Variants in ORC4 observed in about 807,000 individuals in gnomAD.
The protein encoded by ORC4 is origin recognition complex, subunit 4 homolog.
In ORC4, 55 loss-of-function variants were observed where a neutral mutation model predicts 63.9. That is an observed-to-expected ratio of 0.86 (90% confidence interval 0.69 to 1.08). The LOEUF is 1.08. Among genes scored for constraint, ORC4 ranks in the 50% least tolerant of loss-of-function variants. The pLI is 0.00. For missense variants in ORC4, 511 were observed against 504.4 expected, an observed-to-expected ratio of 1.01 and a Z score of -0.13; for synonymous variants, 150 against 168.5, an observed-to-expected ratio of 0.89 and a Z score of 0.85.
intron 1 of ORC4, among the ~76,000 whole-genome samples, chr2:148,012,099 T>TA (rs1398900167): frequency 6.6e-6 from 1 of 151,874 alleles, no homozygotes; most frequent in Non-Finnish European, 1.5e-5. Context: ...AAAAAAATCC[T>TA]AAAATTGTAT....
intron 9 of ORC4, among the ~76,000 whole-genome samples, chr2:147,946,253 A>G (rs1688653234): frequency 6.6e-6 from 1 of 151,930 alleles, no homozygotes; most frequent in South Asian, 2.1e-4. Flanking sequence ...TGCAACCTAG[A>G]CCATGTAGTT....
In ORC4 at chr2:147,952,457, T is replaced by G. The variant is rs771016573; in HGVS notation, c.504A>C (p.Lys168Asn). 1.2e-6 allele frequency: 2 copies of G among 1,611,842 alleles called. No individual in the cohort carries two copies. The highest frequency in any genetic ancestry group is 1.7e-6 in the Non-Finnish European group (2 of 1,178,006). The change falls in exon 8 of 14, where the codon AAA becomes AAC. Residue 168 changes from lysine (K) to asparagine (N), a missense_variant. Lys to Asn is a moderately conservative substitution (Grantham distance 94, BLOSUM62 0). Transcript: ENST00000392857. ...AAAGATTATAGAGAAGTGTTTGGTT[T>G]TTATGATGAGCAAAAAGATCAAATT... ...LDEFDLFAHHKNQTLLYNLFD... is the reference protein window; with the variant it reads ...LDEFDLFAHHNNQTLLYNLFD...
chr2:147,939,093 TCAAA>T (rs1688220842), intron 11 of ORC4, 43 bp downstream of exon 11: 1 of 1,103,704 alleles, frequency 9.1e-7, no homozygotes, highest in Non-Finnish European at 1.4e-6. Context: ...TTATCTAAAT[TCAAA>T]GTTTTAAAAA....
chr2:147,998,105 T>C (rs896415434), intron 1 of ORC4, among the ~76,000 whole-genome samples: 1 of 152,174 alleles, frequency 6.6e-6, no homozygotes, highest in Non-Finnish European at 1.5e-5. Context: ...ACCATACAAG[T>C]GGTCATATTA....
rs1161190181 is a variant in ORC4 at position 147,973,499 on chromosome 2, A to C, written c.83T>G (p.Phe28Cys). ...GTTACTATGTGGACTCTGACGACAA[A>C]ATCTTTCACGTAAAATTCTTTGTAC... is the stretch of plus-strand genomic sequence containing the variant. ...SQVQRILRERFCRQSPHSNLF... is the reference protein window; with the variant it reads ...SQVQRILRERCCRQSPHSNLF... The change falls in exon 3 of 14, where the codon TTT becomes TGT. Residue 28 changes from phenylalanine (F) to cysteine (C), a missense_variant. By Grantham distance (205) the Phe-to-Cys change is radical. Coordinates refer to ENST00000392857, the MANE Select transcript of ORC4 (RefSeq NM_181741.4). The C allele has an allele frequency of 1.2e-6, 2 of 1,602,208 alleles. No individual in the cohort carries two copies. The highest frequency in any genetic ancestry group is 1.7e-5 in the Admixed American group (1 of 59,928).
intron 9 of ORC4, 98 bp from the exon 10 acceptor site, chr2:147,943,620 CTCTA>C (rs1228618753): frequency 4.3e-6 from 3 of 695,630 alleles, no homozygotes; most frequent in Middle Eastern, 3.7e-4. Flanking sequence ...ACCTTAGTAA[CTCTA>C]TCTAATATTA....
intron 1 of ORC4, among the ~76,000 whole-genome samples, chr2:148,016,136 G>A (rs1273676710): frequency 2.0e-5 from 3 of 152,228 alleles, no homozygotes; most frequent in Non-Finnish European, 4.4e-5. Context: ...AAAAAACACC[G>A]TTTTGAAGTG....
chr2:147,964,148 T>C (rs147890068), intron 4 of ORC4, among the ~76,000 whole-genome samples: 6 of 152,136 alleles, frequency 3.9e-5, no homozygotes, highest in Non-Finnish European at 7.4e-5. Flanking sequence ...GCCAGAAGAA[T>C]TTAAAATAAT....
rs1174222420 is a variant in ORC4 at position 148,015,113 on chromosome 2, GA to G, written c.-18+5519del. On this transcript the variant is annotated intron_variant, in intron 1 of 13. Transcript: ENST00000392857. ...CCCCCACAACCACACTTGACTAGGA[GA>G]AAAAAAAAAAAGAAGAAAAGAATTC... Among the ~76,000 whole-genome samples, 475 of 118,444 alleles carry G rather than the reference GA, an allele frequency of 4.0e-3. 7 individuals are homozygous for G. Among genetic ancestry groups the G allele is most frequent in the Admixed American group, 0.022 (255 of 11,498 alleles). The allele number at this position is 118,444 out of a possible 152,430, so 77.7% of individuals were successfully genotyped here. A position where few individuals can be genotyped will look rare whatever the true frequency, so the allele number is the denominator to read the frequency against.
At chr2:147,967,099 C>G (rs570533429) in intron 4 of ORC4, among the ~76,000 whole-genome samples, 2 of 152,020 alleles carry the variant, frequency 1.3e-5, no homozygotes, top group African/African-American at 4.8e-5. Flanking sequence ...TATATCATCT[C>G]AATGGATGCA....
At position 148,003,559 on chromosome 2, in the gene ORC4, AC is replaced by A. The variant is rs879686820; in HGVS notation, c.-18+17073del. 4.6e-4 allele frequency among the ~76,000 whole-genome samples: 70 copies of A among 152,236 alleles called. 1 individual carries two copies. The highest frequency in any genetic ancestry group is 1.7e-3 in the African/African-American group (69 of 41,532). On this transcript the variant is annotated intron_variant, in intron 1 of 13. Coordinates refer to ENST00000392857, the MANE Select transcript of ORC4 (RefSeq NM_181741.4). Reference sequence around the variant, plus strand: ...GAAAACGCCTTCGACAAAATTCAACACCCCTTCATGCTAAAAACTCTCAATA... The same window carrying A: ...GAAAACGCCTTCGACAAAATTCAACACCCTTCATGCTAAAAACTCTCAATA...
chr2:147,963,801 A>C (rs899948594), intron 4 of ORC4, among the ~76,000 whole-genome samples: 5 of 152,098 alleles, frequency 3.3e-5, no homozygotes, highest in African/African-American at 1.2e-4. Flanking sequence ...TGCCACCACA[A>C]ACAACTCTCA....
intron 6 of ORC4, among the ~76,000 whole-genome samples, chr2:147,957,446 C>T (rs2105312124): frequency 6.6e-6 from 1 of 151,882 alleles, no homozygotes; most frequent in East Asian, 1.9e-4. Flanking sequence ...TAATCCACTC[C>T]AACTGCATAA....
chr2:147,945,566 T>C (rs1326043780), intron 9 of ORC4, among the ~76,000 whole-genome samples: 1 of 152,118 alleles, frequency 6.6e-6, no homozygotes, highest in Non-Finnish European at 1.5e-5. Context: ...ATGATTCTTT[T>C]AAATGTTCTT....
At chr2:147,995,946 G>T (rs957121997) in intron 1 of ORC4, among the ~76,000 whole-genome samples, 1 of 151,404 alleles carries the variant, frequency 6.6e-6, no homozygotes, top group African/African-American at 2.4e-5. Flanking sequence ...GTTGCAGTGA[G>T]CCGAGATCAC....
intron 1 of ORC4, among the ~76,000 whole-genome samples, chr2:147,993,190 C>T (rs1466979366): frequency 6.6e-6 from 1 of 152,112 alleles, no homozygotes; most frequent in African/African-American, 2.4e-5. Flanking sequence ...TCCCATGTCA[C>T]GTAACACCAA....
intron 1 of ORC4, among the ~76,000 whole-genome samples, chr2:148,003,290 T>C (rs978869137): frequency 6.6e-6 from 1 of 151,962 alleles, no homozygotes; most frequent in Non-Finnish European, 1.5e-5. Flanking sequence ...GATACCAAAA[T>C]CTGGCAGAGA....
chr2:147,957,687 C>T (rs1689341381), intron 6 of ORC4, among the ~76,000 whole-genome samples: 1 of 152,132 alleles, frequency 6.6e-6, no homozygotes, highest in Admixed American at 6.5e-5. Context: ...GACATTTGTA[C>T]AGCACATTAC....
intron 1 of ORC4, among the ~76,000 whole-genome samples, chr2:148,015,649 A>G (rs1166804466): frequency 6.7e-6 from 1 of 149,754 alleles, no homozygotes; most frequent in Non-Finnish European, 1.5e-5. Flanking sequence ...GTTATGTTAT[A>G]TGTCATTTTA....
Sources: allele counts gnomAD v4.1 joint callset (sites outside exome capture counted in the v4.1 genomes callset), GRCh38; gene constraint gnomAD v4.1.1; transcripts MANE v1.5; gene names NCBI Gene and HGNC (gene_info 2026-07-23, HGNC 2026-07-21).